NCAM2: variants seen among roughly 807,000 people sequenced by gnomAD.
NCAM2 encodes the protein N-CAM-2.
Under a neutral mutation model 98.1 loss-of-function variants are expected in NCAM2, and 30 were observed. The observed-to-expected ratio is 0.31, with a 90% CI of 0.23 to 0.41. NCAM2 has a LOEUF of 0.41. NCAM2 is among the 10% of genes least tolerant of loss of function. NCAM2 has a pLI of 1.00. For missense variants in NCAM2, 867 were observed against 1,005.8 expected, an observed-to-expected ratio of 0.86 and a Z score of 1.87; for synonymous variants, 368 against 342.4, an observed-to-expected ratio of 1.07 and a Z score of -0.83.
chr21:21,012,824 T>C (rs1170352151), intron 1 of NCAM2, among the ~76,000 whole-genome samples: 13 of 152,156 alleles, frequency 8.5e-5, no homozygotes, highest in Non-Finnish European at 1.8e-4. Context: ...TAACTGGCAA[T>C]ATTTCAAACA....
chr21:21,470,211 CAG>C (rs935480174), intron 14 of NCAM2, among the ~76,000 whole-genome samples: 31 of 150,888 alleles, frequency 2.1e-4, no homozygotes, highest in African/African-American at 7.4e-4. Flanking sequence ...TAGAGCAAAG[CAG>C]AGTCACAAAT....
chr21:21,490,017 A>G (rs555013090), intron 15 of NCAM2, among the ~76,000 whole-genome samples: 42 of 152,136 alleles, frequency 2.8e-4, no homozygotes, highest in African/African-American at 9.6e-4. Context: ...AAAATTAGAC[A>G]AAGATGAGAG....
intron 1 of NCAM2, chr21:21,210,395 A>G (rs994212412): frequency 2.3e-6 from 1 of 444,328 alleles, no homozygotes; most frequent in African/African-American, 2.1e-5. Flanking sequence ...TGAGGAATTA[A>G]TTTATTTAAC....
intron 1 of NCAM2, among the ~76,000 whole-genome samples, chr21:21,135,031 A>C (rs942733455): frequency 8.5e-6 from 1 of 117,252 alleles, no homozygotes; most frequent in Non-Finnish European, 1.8e-5. Context: ...TCAGGAGATC[A>C]AGACCAATCC....
chr21:21,054,562 A>G (rs1387104481), intron 1 of NCAM2, among the ~76,000 whole-genome samples: 1 of 152,028 alleles, frequency 6.6e-6, no homozygotes, highest in Non-Finnish European at 1.5e-5. Flanking sequence ...GTAATTACCC[A>G]AGTGTTAACA....
chr21:21,486,974 A>C (rs961315943), intron 15 of NCAM2, among the ~76,000 whole-genome samples: 1 of 152,146 alleles, frequency 6.6e-6, no homozygotes, highest in African/African-American at 2.4e-5. Flanking sequence ...TTATTCTTAC[A>C]TGAACACCTA....
intron 1 of NCAM2, among the ~76,000 whole-genome samples, chr21:21,011,567 T>C (rs1432463373): frequency 2.0e-5 from 3 of 152,128 alleles, no homozygotes; most frequent in South Asian, 2.1e-4. Context: ...TATATAGTTA[T>C]TTCTGTTGTT....
In NCAM2 at chr21:21,220,455, C is replaced by T. The variant is rs118169835; in HGVS notation, c.56-60123C>T. On this transcript the variant is annotated intron_variant, in intron 1 of 17. Coordinates refer to ENST00000400546, the MANE Select transcript of NCAM2 (RefSeq NM_004540.5). The stretch of plus-strand genomic sequence containing the variant: ...AGGGGAAATAGGCTATACCACACAG[C>T]CTAGGTTTGTAGTACACTATAGTGT... 9.7e-3 allele frequency among the ~76,000 whole-genome samples: 1,481 copies of T among 152,074 alleles called. 61 individuals carry two copies. In the East Asian group the frequency reaches 0.16, roughly 16 times the overall value.
chr21:21,171,108 T>G (rs2068111228), intron 1 of NCAM2, among the ~76,000 whole-genome samples: 2 of 152,200 alleles, frequency 1.3e-5, no homozygotes, highest in South Asian at 4.1e-4. Context: ...ACTGTTATGA[T>G]TAATTGCCAT....
At chr21:21,527,161 G>A (rs1055192663) in intron 16 of NCAM2, among the ~76,000 whole-genome samples, 1 of 150,336 alleles carries the variant, frequency 6.7e-6, no homozygotes, top group Non-Finnish European at 1.5e-5. Flanking sequence ...GCCCAGGCTA[G>A]AGTGCAGTGG....
intron 1 of NCAM2, among the ~76,000 whole-genome samples, chr21:21,036,754 A>G (rs1320087901): frequency 2.0e-5 from 3 of 152,192 alleles, no homozygotes; most frequent in Admixed American, 1.3e-4. Context: ...AGCAAATCAC[A>G]TGAAGCAAAG....
At chr21:21,017,587 C>T (rs541942712) in intron 1 of NCAM2, among the ~76,000 whole-genome samples, 9 of 152,036 alleles carry the variant, frequency 5.9e-5, no homozygotes, top group African/African-American at 1.7e-4. Flanking sequence ...GTGCATGCCT[C>T]GACCAAAGTG....
intron 1 of NCAM2, among the ~76,000 whole-genome samples, chr21:21,246,527 G>A (rs529738729): frequency 3.3e-5 from 5 of 152,098 alleles, no homozygotes; most frequent in East Asian, 3.9e-4. Flanking sequence ...ATTCAAAAAC[G>A]TATGTAATAA....
chr21:21,118,958 G>C (rs746052600), intron 1 of NCAM2, among the ~76,000 whole-genome samples: 30 of 152,252 alleles, frequency 2.0e-4, no homozygotes, highest in Admixed American at 3.9e-4. Context: ...TTTTAGACTA[G>C]TGAGCACGAA....
At chr21:21,499,694 A>G (rs9979282) in intron 15 of NCAM2, among the ~76,000 whole-genome samples, 121,960 of 152,092 alleles carry the variant, frequency 0.8, 49,234 homozygotes, top group Middle Eastern at 0.92. Context: ...AAAATAATAG[A>G]TTTAACAAAT....
chr21:21,479,410 C>G (rs1276457961), intron 15 of NCAM2, among the ~76,000 whole-genome samples: 2 of 150,724 alleles, frequency 1.3e-5, no homozygotes, highest in Non-Finnish European at 3.0e-5. Flanking sequence ...GGTGAAACCC[C>G]GTCTCTACTA....
intron 1 of NCAM2, among the ~76,000 whole-genome samples, 178 bp from the exon 2 acceptor site, chr21:21,280,400 C>T (rs9306013): frequency 0.99 from 151,353 of 152,302 alleles, 75,214 homozygotes; most frequent in Non-Finnish European, 1. Context: ...AAATGCATAA[C>T]AAAGTAATAT....
At chr21:21,511,919 A>G (rs76429059) in intron 16 of NCAM2, among the ~76,000 whole-genome samples, 359 of 151,978 alleles carry the variant, frequency 2.4e-3, no homozygotes, top group African/African-American at 8.3e-3. Context: ...TATCCAGATC[A>G]CTTGCTCATT....
chr21:21,239,803 T>TA (rs2070993495), intron 1 of NCAM2, among the ~76,000 whole-genome samples: 2 of 152,138 alleles, frequency 1.3e-5, no homozygotes, highest in Non-Finnish European at 2.9e-5. Flanking sequence ...ATATACACCT[T>TA]AAATACAGAT....
Sources: allele counts gnomAD v4.1 joint callset (sites outside exome capture counted in the v4.1 genomes callset), GRCh38; gene constraint gnomAD v4.1.1; transcripts MANE v1.5; gene names NCBI Gene and HGNC (gene_info 2026-07-23, HGNC 2026-07-21).